The following DLG5 variants were observed in gnomAD, a reference collection of about 807,000 sequenced individuals.
DLG5 encodes the protein disks large homolog 5.
In DLG5, 48 loss-of-function variants were observed where a neutral mutation model predicts 189.8. That is an observed-to-expected ratio of 0.25 (90% CI 0.20 to 0.32). DLG5 has a LOEUF of 0.32. Among genes scored for constraint, DLG5 ranks in the 10% least tolerant of loss-of-function variants. The probability of loss-of-function intolerance (pLI) is 1.00; values close to 1 mark genes in which losing one functional copy is unlikely to be tolerated. For synonymous variants in DLG5, 1,016 were observed against 1,054.1 expected, an observed-to-expected ratio of 0.96 and a Z score of 0.70; for missense variants, 2,160 against 2,544.7, an observed-to-expected ratio of 0.85 and a Z score of 3.25.
At chr10:77,869,322 T>C (rs1844808689) in intron 1 of DLG5, 125 bp from the exon 2 acceptor site, 2 of 890,870 alleles carry the variant, frequency 2.2e-6, no homozygotes, top group South Asian at 1.4e-5. Flanking sequence ...GAAATCCACA[T>C]CCACGGGCCA....
intron 30 of DLG5, among the ~76,000 whole-genome samples, chr10:77,794,636 C>A (rs572964521): frequency 1.3e-5 from 2 of 152,182 alleles, no homozygotes; most frequent in Admixed American, 1.3e-4. Flanking sequence ...CGGAGGGGCG[C>A]GAGGAAGGGG....
chr10:77,859,696 T>C (rs1289031192), intron 2 of DLG5, among the ~76,000 whole-genome samples: 3 of 152,200 alleles, frequency 2.0e-5, no homozygotes, highest in Non-Finnish European at 2.9e-5. Context: ...AATTACCAAA[T>C]GACAACGCAT....
At chr10:77,844,969 G>A (rs554796532) in intron 5 of DLG5, among the ~76,000 whole-genome samples, 1 of 152,296 alleles carries the variant, frequency 6.6e-6, no homozygotes, top group East Asian at 1.9e-4. Context: ...CACAGGGGGA[G>A]GTGGGTTCAA....
chr10:77,821,345 G>T lies in DLG5; in HGVS notation c.3139C>A (p.Pro1047Thr). The T allele has an allele frequency of 6.2e-7, 1 of 1,613,010 alleles. No individual in the cohort carries two copies. Among genetic ancestry groups the T allele is most frequent in the Admixed American group, 1.7e-5 (1 of 60,022 alleles). The change falls in exon 15 of 32, where the codon CCC becomes ACC. Residue 1047 changes from proline (P) to threonine (T), a missense_variant. This residue lies in a region of DLG5 where 754 missense variants were observed against 746.5 expected (regional missense o/e 1.01). Transcript: ENST00000372391. ...ACGTCAGGGGGCAGGGCGCTCGGGG[G>T]ACTAGTGGATGGGGAGCTGCCCACC... ...TLVGSSPSTSPPSALPPDVDP... is the reference protein window; with the variant it reads ...TLVGSSPSTSTPSALPPDVDP...
At chr10:77,802,971 G>A (rs1841292170) in intron 27 of DLG5, among the ~76,000 whole-genome samples, 1 of 152,186 alleles carries the variant, frequency 6.6e-6, no homozygotes, top group African/African-American at 2.4e-5. Context: ...GGAGTTAGTG[G>A]TTTGATGTCT....
chr10:77,806,049 C>A (rs1024886850), intron 26 of DLG5, 188 bp from the exon 27 acceptor site: 15 of 550,314 alleles, frequency 2.7e-5, no homozygotes, highest in Admixed American at 1.7e-4. Flanking sequence ...GGGGGTGACA[C>A]AAACACCAGC....
chr10:77,899,901 A>G (rs1845874319), intron 1 of DLG5, among the ~76,000 whole-genome samples: 1 of 152,092 alleles, frequency 6.6e-6, no homozygotes, highest in Non-Finnish European at 1.5e-5. Context: ...ACACAACACC[A>G]ACACCCAAAC....
chr10:77,824,330 C>T (rs1237239530), intron 14 of DLG5, 54 bp downstream of exon 14: 10 of 1,363,256 alleles, frequency 7.3e-6, no homozygotes, highest in East Asian at 4.6e-5. Context: ...TATGTGGAGC[C>T]GGGGCTCTGC....
intron 1 of DLG5, among the ~76,000 whole-genome samples, chr10:77,897,801 A>G (rs961846145): frequency 6.7e-6 from 1 of 149,840 alleles, no homozygotes; most frequent in Non-Finnish European, 1.5e-5. Context: ...AGAATTAAAG[A>G]AAAAAAAAAG....
intron 31 of DLG5, among the ~76,000 whole-genome samples, chr10:77,793,353 GATC>G (rs1370590335): frequency 2.0e-5 from 3 of 152,046 alleles, no homozygotes; most frequent in Non-Finnish European, 4.4e-5. Flanking sequence ...CCCTGGACTA[GATC>G]ATAACACTCT....
chr10:77,930,240 T>C (rs535383364), upstream of DLG5, among the ~76,000 whole-genome samples: 39 of 152,252 alleles, frequency 2.6e-4, no homozygotes, highest in South Asian at 8.1e-3. Flanking sequence ...GAAACAATCA[T>C]TGCTTGACAT....
At chr10:77,832,715 A>T (rs1842940135) in intron 9 of DLG5, among the ~76,000 whole-genome samples, 2 of 152,188 alleles carry the variant, frequency 1.3e-5, no homozygotes, top group Non-Finnish European at 2.9e-5. Context: ...AGCTGAATGC[A>T]CAAGCTTCAG....
At chr10:77,939,043 G>A in the DLG5 span, among the ~76,000 whole-genome samples, 1 of 152,156 alleles carries the variant, frequency 6.6e-6, no homozygotes, top group Non-Finnish European at 1.5e-5. Context: ...AGCCGGGTGT[G>A]GTGGCGCATG....
At chr10:77,836,404 C>T (rs1327920107) in intron 7 of DLG5, among the ~76,000 whole-genome samples, 2 of 152,094 alleles carry the variant, frequency 1.3e-5, no homozygotes, top group Non-Finnish European at 2.9e-5. Flanking sequence ...GCAAGAATAA[C>T]TCCTCCTCCC....
At chr10:77,905,129 C>CA (rs796601165) in intron 1 of DLG5, among the ~76,000 whole-genome samples, 2,902 of 72,246 alleles carry the variant, frequency 0.04, 45 homozygotes, top group East Asian at 0.13. Context: ...GACTTCATCT[C>CA]AAAAAAAAAA....
rs754913873 is a variant in DLG5, at chr10:77,796,421, T to A, written c.5308+30A>T. On this transcript the variant is annotated intron_variant, in intron 28 of 31. Coordinates refer to ENST00000372391, the MANE Select transcript of DLG5 (RefSeq NM_004747.4). This position sits in a 1 kb window ranked among gnomAD's most constrained non-coding sequence, Gnocchi z 5.2. ...AGGGACATAGAGACAAAGAGCCCAG[T>A]AGGCACAGAGGGTGCCCCGTGCCCC... 1.9e-6 allele frequency: 3 copies of A among 1,613,996 alleles called. No individual in the cohort carries two copies. The Admixed American group carries it at 5.0e-5, about 27-fold the overall frequency.
At position 77,814,374 on chromosome 10, in the gene DLG5, T is replaced by C. The variant is rs549380420; in HGVS notation, c.4026-1997A>G. Among the ~76,000 whole-genome samples, 187 of 150,472 alleles carry C rather than the reference T, an allele frequency of 1.2e-3. 3 individuals carry two copies. Among genetic ancestry groups the C allele is most frequent in the African/African-American group, 4.5e-3 (185 of 41,086 alleles). ...AACAACAGCTGCTTCTCAAAAGAGG[T>C]TTATAAAGTATACTTAAACTATTAA... On this transcript the variant is annotated intron_variant, in intron 20 of 31. Coordinates refer to ENST00000372391, the MANE Select transcript of DLG5 (RefSeq NM_004747.4).
At chr10:77,798,746 T>C (rs1414108815) in intron 27 of DLG5, among the ~76,000 whole-genome samples, 1 of 152,160 alleles carries the variant, frequency 6.6e-6, no homozygotes, top group South Asian at 2.1e-4. Flanking sequence ...TCCCTGCTGA[T>C]GGACACTACG....
At chr10:77,849,705 C>T (rs1286886723) in intron 5 of DLG5, among the ~76,000 whole-genome samples, 1 of 152,208 alleles carries the variant, frequency 6.6e-6, no homozygotes, top group Admixed American at 6.5e-5. Context: ...GAAGAAGACC[C>T]TCCCCTGTGA....
Sources: gnomAD v4.1 joint callset for allele counts (sites outside exome capture counted in the v4.1 genomes callset) on GRCh38, gnomAD v4.1.1 for gene constraint, gnomAD v4.1.1 regional missense constraint, Gnocchi (gnomAD v3.1) non-coding constraint, MANE v1.5 for transcripts, NCBI Gene and HGNC (gene_info 2026-07-23, HGNC 2026-07-21) for gene names.